SUGCT: variants seen among roughly 807,000 people sequenced by gnomAD.
SUGCT encodes succinyl-CoA:glutarate-CoA transferase, also known as succinyl-CoA:glutarate CoA-transferase.
SUGCT carries 41 observed loss-of-function variants against 55.0 expected under a neutral mutation model. The observed-to-expected ratio is 0.74, with a 90% confidence interval of 0.58 to 0.97. SUGCT has a LOEUF of 0.97. SUGCT is among the 50% of genes least tolerant of loss of function. The pLI is 0.00. For synonymous variants in SUGCT, 187 were observed against 200.4 expected (o/e 0.93, Z 0.56); for missense variants, 568 against 547.8 (o/e 1.04, Z -0.37).
At chr7:40,300,302 C>T (rs2151076173) in intron 8 of SUGCT, among the ~76,000 whole-genome samples, 1 of 152,258 alleles carries the variant, frequency 6.6e-6, no homozygotes, top group Non-Finnish European at 1.5e-5. Flanking sequence ...GAGGGCTGAG[C>T]TGAGACTGGG....
chr7:40,653,707 C>T (rs559890819), intron 12 of SUGCT, among the ~76,000 whole-genome samples: 1 of 152,320 alleles, frequency 6.6e-6, no homozygotes, highest in East Asian at 1.9e-4. Context: ...CTGTGAATCT[C>T]TGAGGGAACC....
At chr7:40,951,543 G>A in the SUGCT span, among the ~76,000 whole-genome samples, 8 of 152,248 alleles carry the variant, frequency 5.3e-5, 1 homozygote, top group East Asian at 1.4e-3. Context: ...TAATTGTGAT[G>A]TTAGGATGTC....
intron 7 of SUGCT, among the ~76,000 whole-genome samples, chr7:40,265,415 T>C (rs1791499838): frequency 1.3e-5 from 2 of 152,186 alleles, no homozygotes; most frequent in African/African-American, 4.8e-5. Context: ...AACAAGATTT[T>C]AGAAACTTAG....
At chr7:40,483,675 T>C (rs1791179503) in intron 11 of SUGCT, among the ~76,000 whole-genome samples, 2 of 147,574 alleles carry the variant, frequency 1.4e-5, no homozygotes, top group African/African-American at 2.6e-5. Context: ...TTCCTGTAAG[T>C]CCATAAGAAG....
intron 6 of SUGCT, among the ~76,000 whole-genome samples, chr7:40,235,459 C>T (rs1252950408): frequency 6.6e-6 from 1 of 152,102 alleles, no homozygotes; most frequent in Admixed American, 6.6e-5. Context: ...TCCCAAGTAG[C>T]TGGACTACGG....
intron 13 of SUGCT, 22 bp downstream of exon 13, chr7:40,749,519 T>G (rs1443384098): frequency 6.3e-7 from 1 of 1,588,116 alleles, no homozygotes; most frequent in Admixed American, 1.7e-5. Context: ...TTTGGTATTT[T>G]CTCTAGCACC....
intron 11 of SUGCT, among the ~76,000 whole-genome samples, chr7:40,493,607 T>A (rs1216589482): frequency 6.6e-6 from 1 of 152,194 alleles, no homozygotes; most frequent in Non-Finnish European, 1.5e-5. Context: ...ATGTGTTGAT[T>A]TAGTAAGTTG....
At chr7:41,016,445 G>A in the SUGCT span, among the ~76,000 whole-genome samples, 1 of 152,210 alleles carries the variant, frequency 6.6e-6, no homozygotes, top group Admixed American at 6.5e-5. Flanking sequence ...CTGTTTCCCT[G>A]ACTCTCTTGA....
chr7:40,313,759 T>G (rs2151103185), intron 8 of SUGCT, among the ~76,000 whole-genome samples: 1 of 151,874 alleles, frequency 6.6e-6, no homozygotes, highest in African/African-American at 2.4e-5. Flanking sequence ...TTTTTTTTTT[T>G]GTTTTGTATT....
the SUGCT span, among the ~76,000 whole-genome samples, chr7:40,873,061 G>C: frequency 1.4e-4 from 21 of 152,136 alleles, no homozygotes; most frequent in Non-Finnish European, 2.9e-4. Context: ...CTGAAAACCT[G>C]CGGATCTAGA....
At chr7:40,463,440 C>G (rs1483726355) in intron 11 of SUGCT, among the ~76,000 whole-genome samples, 1 of 152,114 alleles carries the variant, frequency 6.6e-6, no homozygotes, top group Non-Finnish European at 1.5e-5. Flanking sequence ...TTTCCTTGAG[C>G]AATTTTTGAG....
At chr7:40,666,654 C>A (rs1801658559) in intron 12 of SUGCT, among the ~76,000 whole-genome samples, 1 of 151,616 alleles carries the variant, frequency 6.6e-6, no homozygotes, top group Non-Finnish European at 1.5e-5. Context: ...TGCTGAAGAT[C>A]CAGTGACTTC....
At chr7:40,304,756 A>C (rs1017685582) in intron 8 of SUGCT, among the ~76,000 whole-genome samples, 1 of 124,726 alleles carries the variant, frequency 8.0e-6, no homozygotes, top group South Asian at 2.6e-4. Flanking sequence ...TAATAATAAT[A>C]ATAATCATCC....
chr7:40,937,399 G>C, the SUGCT span, among the ~76,000 whole-genome samples: 1 of 152,164 alleles, frequency 6.6e-6, no homozygotes, highest in South Asian at 2.1e-4. Context: ...TCAACCTCCT[G>C]ACCTCAGGTG....
rs73133561 is a variant in SUGCT, at chr7:40,288,112, C to T, written c.720+13456C>T. Among the ~76,000 whole-genome samples, 6 of 152,168 alleles carry T rather than the reference C, an allele frequency of 3.9e-5. No homozygotes were observed. The East Asian group carries it at 7.7e-4, about 20-fold the overall frequency. On this transcript the variant is annotated intron_variant, in intron 8 of 13. Coordinates refer to ENST00000335693, the MANE Select transcript of SUGCT (RefSeq NM_001193313.2). Reference sequence around the variant, plus strand: ...TGCTGAGGATTCTTAGGTTTATATTCATAAGGGATATTGGTCTTTACGGTC... The same window carrying T: ...TGCTGAGGATTCTTAGGTTTATATTTATAAGGGATATTGGTCTTTACGGTC...
At chr7:40,969,503 C>G in the SUGCT span, among the ~76,000 whole-genome samples, 1 of 152,132 alleles carries the variant, frequency 6.6e-6, no homozygotes, top group Non-Finnish European at 1.5e-5. Context: ...TAGGACCATA[C>G]CATGCCTGGC....
At chr7:40,823,686 C>T (rs902982354) in intron 13 of SUGCT, among the ~76,000 whole-genome samples, 1 of 152,016 alleles carries the variant, frequency 6.6e-6, no homozygotes, top group Non-Finnish European at 1.5e-5. Flanking sequence ...TCTTTCCTTT[C>T]CTCTTCCTTC....
At chr7:40,980,809 G>A in the SUGCT span, among the ~76,000 whole-genome samples, 2 of 151,968 alleles carry the variant, frequency 1.3e-5, no homozygotes, top group Admixed American at 6.6e-5. Flanking sequence ...TGATCTTCTC[G>A]CCTCAGCCTC....
the SUGCT span, among the ~76,000 whole-genome samples, chr7:40,921,301 G>A: frequency 1.3e-5 from 2 of 151,716 alleles, no homozygotes; most frequent in African/African-American, 4.8e-5. Context: ...GGACTATAGG[G>A]GCCTTTTAAA....
Sources: gnomAD v4.1 joint callset for allele counts (sites outside exome capture counted in the v4.1 genomes callset) on GRCh38, gnomAD v4.1.1 for gene constraint, MANE v1.5 for transcripts, NCBI Gene and HGNC (gene_info 2026-07-23, HGNC 2026-07-21) for gene names.